The following TTC12 variants were observed in gnomAD, a reference collection of about 807,000 sequenced individuals.
TTC12 encodes tetratricopeptide repeat domain 12, also known as tetratricopeptide repeat protein 12.
A neutral mutation model predicts 90.1 loss-of-function variants in TTC12; 70 were observed. The observed-to-expected ratio is 0.78, with a 90% CI of 0.64 to 0.95. TTC12 has a LOEUF of 0.95. Among genes scored for constraint, TTC12 ranks in the 40% least tolerant of loss-of-function variants. TTC12 has a pLI of 0.00. For synonymous variants in TTC12, 296 were observed against 311.5 expected, an observed-to-expected ratio of 0.95 and a Z score of 0.53; for missense variants, 819 against 846.1, an observed-to-expected ratio of 0.97 and a Z score of 0.40.
intron 16 of TTC12, among the ~76,000 whole-genome samples, 170 bp from the exon 17 acceptor site, chr11:113,359,193 A>T (rs978719932): frequency 1.4e-4 from 21 of 151,432 alleles, no homozygotes; most frequent in Non-Finnish European, 2.9e-4. Context: ...AGTCTCCTGG[A>T]CCAACACTAA....
In TTC12 at chr11:113,344,332, T is replaced by C; in HGVS notation, c.1046T>C (p.Leu349Ser). 6.2e-7 allele frequency: 1 copy of C among 1,614,228 alleles called. No individual in the cohort carries two copies. Among genetic ancestry groups the C allele is most frequent in the Non-Finnish European group, 8.5e-7 (1 of 1,180,006 alleles). ...AGGGCCAGGCTGTTGGCCGCCCTCTTGTCCTCCAAGGTCCTGGCCATCCGG... is the reference window on the plus strand; with the variant it reads ...AGGGCCAGGCTGTTGGCCGCCCTCTCGTCCTCCAAGGTCCTGGCCATCCGG... ...HDRARLLAAL[L>S]SSKVLAIRQQ... The change falls in exon 13 of 22, where the codon TTG becomes TCG. Residue 349 changes from leucine to serine, a missense_variant. Physicochemically the swap from Leu to Ser is moderately radical, Grantham distance 145 (BLOSUM62 -2). Transcript: ENST00000529221.
At chr11:113,344,557 A>G in intron 13 of TTC12, 117 bp downstream of exon 13, 1 of 1,107,856 alleles carries the variant, frequency 9.0e-7, no homozygotes, top group South Asian at 1.6e-5. Context: ...AATAACAGAA[A>G]GAGCCTTTGA....
Position 113,329,986 on chromosome 11 carries a change from G to A in TTC12, c.504+7G>A. 1.2e-6 allele frequency: 2 copies of A among 1,611,022 alleles called. 1 individual carries two copies. Among genetic ancestry groups the A allele is most frequent in the South Asian group, 2.2e-5 (2 of 91,020 alleles). ...TTGTGAGTGGGCTCTCAAGGTAAGA[G>A]GGTATTTCTTTTCCCACATGATAGT... On this transcript the variant is annotated splice_region_variant and intron_variant, in intron 7 of 21. Transcript: ENST00000529221.
intron 2 of TTC12, among the ~76,000 whole-genome samples, chr11:113,318,784 C>G (rs957506048): frequency 1.3e-5 from 2 of 151,642 alleles, no homozygotes; most frequent in Non-Finnish European, 2.9e-5. Flanking sequence ...GAGTGTGGTG[C>G]TTTTGAGGAA....
intron 11 of TTC12, among the ~76,000 whole-genome samples, chr11:113,341,118 T>G (rs1555145871): frequency 6.6e-6 from 1 of 152,144 alleles, no homozygotes; most frequent in African/African-American, 2.4e-5. Context: ...TAATCCCAGC[T>G]GCTCAGGAGG....
chr11:113,316,296 T>C lies in TTC12; in HGVS notation c.39T>C (p.Leu13=). Residue 13 remains leucine, a synonymous_variant, in exon 2 of 22, where the codon CTT becomes CTC. Transcript: ENST00000529221. The part of the protein sequence containing the change: ...ADKEKDLQKF[L]KNVDEISNLI... The stretch of plus-strand genomic sequence containing the variant: ...AAGAGAAAGATTTGCAGAAATTTCT[T>C]AAAAATGTGGATGAAATCTGTAAGT... 6.8e-7 allele frequency: 1 copy of C among 1,470,040 alleles called. No individual in the cohort carries two copies. The highest frequency in any genetic ancestry group is 9.0e-7 in the Non-Finnish European group (1 of 1,106,454). The allele number at this position is 1,470,040 out of a possible 1,614,324, so 91.1% of individuals were successfully genotyped here.
chr11:113,321,826 A>G (rs1555138638), intron 2 of TTC12, among the ~76,000 whole-genome samples: 2 of 152,246 alleles, frequency 1.3e-5, no homozygotes, highest in African/African-American at 4.8e-5. Flanking sequence ...TCTCAAGCCA[A>G]CAGCCAGCAG....
chr11:113,372,569 T>C (rs17115422), intron 21 of TTC12, among the ~76,000 whole-genome samples: 5,171 of 152,324 alleles, frequency 0.034, 310 homozygotes, highest in African/African-American at 0.12. Flanking sequence ...GTACTTTAAC[T>C]ATTGTAGGCT....
rs952037652 is a variant in TTC12 at position 113,335,012 on chromosome 11, A to G, written c.551A>G (p.Asn184Ser). ...GCATATTTTCACATGGGAAAAGCCA[A>G]CCTGGCCCTGAAGAACTACAGTGTG... ...TKAYFHMGKANLALKNYSVSR... is the reference protein window; with the variant it reads ...TKAYFHMGKASLALKNYSVSR... The change falls in exon 8 of 22, where the codon AAC (asparagine) becomes AGC (serine). Residue 184 changes from asparagine to serine, a missense_variant. Asn to Ser is a conservative substitution (Grantham distance 46). Coordinates refer to ENST00000529221, the MANE Select transcript of TTC12 (RefSeq NM_017868.4). 2.2e-5 allele frequency: 35 copies of G among 1,613,908 alleles called. No individual in the cohort carries two copies. The highest frequency in any genetic ancestry group is 3.0e-5 in the Non-Finnish European group (35 of 1,179,780).
intron 7 of TTC12, among the ~76,000 whole-genome samples, chr11:113,332,645 C>G (rs1175386038): frequency 3.9e-5 from 6 of 152,210 alleles, no homozygotes; most frequent in African/African-American, 1.4e-4. Context: ...CTCTCATGGG[C>G]TCAACTCTCA....
At chr11:113,351,942 G>A (rs2138039328) in intron 15 of TTC12, 128 bp from the exon 16 acceptor site, 3 of 1,076,544 alleles carry the variant, frequency 2.8e-6, no homozygotes, top group African/African-American at 1.6e-5. Context: ...CCCCAGGGAT[G>A]CCCCTGTGTG....
intron 2 of TTC12, among the ~76,000 whole-genome samples, chr11:113,318,338 T>G (rs1163759648): frequency 1.3e-5 from 2 of 152,208 alleles, no homozygotes; most frequent in Admixed American, 1.3e-4. Flanking sequence ...ATGACAAAAC[T>G]TTATTTTCTT....
chr11:113,335,573 T>C (rs1014037874), intron 8 of TTC12, among the ~76,000 whole-genome samples: 5 of 152,166 alleles, frequency 3.3e-5, no homozygotes, highest in African/African-American at 9.7e-5. Context: ...TACCCATTAG[T>C]AGTCAGTCCC....
chr11:113,335,727 G>A (rs1288903928), intron 8 of TTC12, among the ~76,000 whole-genome samples: 3 of 152,112 alleles, frequency 2.0e-5, no homozygotes, highest in African/African-American at 7.2e-5. Flanking sequence ...TGTTTGCCTG[G>A]TACATTTTTG....
intron 18 of TTC12, among the ~76,000 whole-genome samples, chr11:113,360,818 G>A (rs1949886724): frequency 6.6e-6 from 1 of 152,146 alleles, no homozygotes; most frequent in African/African-American, 2.4e-5. Context: ...CCTGTTTGGG[G>A]GTAGCACTCT....
intron 7 of TTC12, among the ~76,000 whole-genome samples, chr11:113,330,395 T>TAG (rs1947980623): frequency 6.6e-6 from 1 of 152,198 alleles, no homozygotes; most frequent in Non-Finnish European, 1.5e-5. Context: ...ACATCCTCTA[T>TAG]TTGTAGAGGA....
intron 2 of TTC12, among the ~76,000 whole-genome samples, chr11:113,316,935 A>G (rs1946977834): frequency 6.6e-6 from 1 of 152,242 alleles, no homozygotes; most frequent in African/African-American, 2.4e-5. Context: ...CAAACAAACC[A>G]ACAAGCAAAC....
At chr11:113,314,704 GC>G (rs1946807812) in intron 1 of TTC12, 86 bp downstream of exon 1, 1 of 152,948 alleles carries the variant, frequency 6.5e-6, no homozygotes, top group Non-Finnish European at 1.5e-5. Context: ...GCTGCTTTGG[GC>G]CCCAGAGCAT....
intron 2 of TTC12, among the ~76,000 whole-genome samples, chr11:113,318,377 C>G (rs1947086044): frequency 6.6e-6 from 1 of 152,104 alleles, no homozygotes; most frequent in South Asian, 2.1e-4. Flanking sequence ...AATCTAAGAC[C>G]AGGGTGTGAG....
Sources: allele counts gnomAD v4.1 joint callset (sites outside exome capture counted in the v4.1 genomes callset), GRCh38; gene constraint gnomAD v4.1.1; transcripts MANE v1.5; gene names NCBI Gene and HGNC (gene_info 2026-07-23, HGNC 2026-07-21).